Variants in CHODL observed in about 807,000 individuals in gnomAD.
CHODL encodes chondrolectin.
Under a neutral mutation model 34.5 loss-of-function variants are expected in CHODL, and 29 were observed. The observed-to-expected ratio is 0.84, with a 90% CI of 0.63 to 1.15. The LOEUF is 1.15. Ranked by LOEUF, CHODL falls within the 50% of genes most tolerant of loss-of-function variation. The probability of loss-of-function intolerance (pLI) is 0.00; values close to 1 mark genes in which losing one functional copy is unlikely to be tolerated. For synonymous variants in CHODL, 125 were observed against 116.1 expected (o/e 1.08, Z -0.49); for missense variants, 332 against 332.5 (o/e 1.00, Z 0.01).
chr21:18,109,057 A>AC (rs5842676), intron 2 of CHODL, among the ~76,000 whole-genome samples: 120,077 of 151,796 alleles, frequency 0.79, 48,213 homozygotes, highest in Middle Eastern at 0.88. Context: ...GTAAGGAAGG[A>AC]TAAACGTATT....
At chr21:18,176,905 A>G (rs1247657973) in intron 2 of CHODL, among the ~76,000 whole-genome samples, 1 of 152,148 alleles carries the variant, frequency 6.6e-6, no homozygotes, top group African/African-American at 2.4e-5. Context: ...GACAGGCAAC[A>G]TAAGGAAGAC....
At chr21:17,960,457 T>C (rs1238092992) in intron 1 of CHODL, among the ~76,000 whole-genome samples, 1 of 152,186 alleles carries the variant, frequency 6.6e-6, no homozygotes, top group Non-Finnish European at 1.5e-5. Flanking sequence ...CAATAACATG[T>C]CCCTAATTTT....
chr21:18,042,263 G>A (rs547076233), intron 2 of CHODL, among the ~76,000 whole-genome samples: 28 of 152,016 alleles, frequency 1.8e-4, no homozygotes, highest in African/African-American at 6.7e-4. Context: ...GTCAGGTCTT[G>A]GATGAATGGA....
At chr21:17,919,774 AC>A (rs771319892) in intron 1 of CHODL, among the ~76,000 whole-genome samples, 3 of 152,192 alleles carry the variant, frequency 2.0e-5, no homozygotes, top group Non-Finnish European at 4.4e-5. Context: ...AATTTTTCAA[AC>A]TTTTATGCTG....
intron 2 of CHODL, among the ~76,000 whole-genome samples, chr21:18,174,137 A>ATATATATATATCTTGG (rs1555879204): frequency 4.8e-5 from 3 of 62,484 alleles, no homozygotes; most frequent in African/African-American, 5.5e-5. Context: ...ATATATATAT[A>ATATATATATATCTTGG]TATATATATA....
chr21:18,011,014 G>A (rs1176483677), intron 1 of CHODL, among the ~76,000 whole-genome samples: 2 of 152,262 alleles, frequency 1.3e-5, no homozygotes, highest in South Asian at 2.1e-4. Flanking sequence ...CAACAATGGG[G>A]TTTTTTGAAG....
At chr21:18,119,207 G>A (rs774666723) in intron 2 of CHODL, among the ~76,000 whole-genome samples, 7 of 151,588 alleles carry the variant, frequency 4.6e-5, no homozygotes, top group Non-Finnish European at 7.4e-5. Flanking sequence ...TTCTCAAAGT[G>A]TCTTTGTGCC....
In CHODL at chr21:17,927,160, G is replaced by GTATATATGTA. The variant is rs371070747; in HGVS notation, c.-145+9766_-145+9775dup. On this transcript the variant is annotated intron_variant, in intron 1 of 6. Transcript: ENST00000400127. ...TATATATGTATATATGTATATATATGTATATATGTATATATGTATATATAT... is the reference window on the plus strand; with the variant it reads ...TATATATGTATATATGTATATATATGTATATATGTATATATATGTATATATGTATATATAT... Among the ~76,000 whole-genome samples the GTATATATGTA allele has an allele frequency of 3.1e-3, 211 of 67,944 alleles. 5 individuals are homozygous for GTATATATGTA. The Middle Eastern group carries it at 0.054, about 17-fold the overall frequency. The allele number at this position is 67,944 out of a possible 152,430, so 44.6% of individuals were successfully genotyped here. A position where few individuals can be genotyped will look rare whatever the true frequency, so the allele number is the denominator to read the frequency against.
intron 1 of CHODL, among the ~76,000 whole-genome samples, chr21:18,011,812 A>T (rs1456191244): frequency 2.6e-5 from 4 of 152,226 alleles, no homozygotes; most frequent in African/African-American, 9.6e-5. Context: ...TTGGTGAAGC[A>T]GATTTGCCAA....
At chr21:18,192,294 CA>C (rs1044675698) in intron 2 of CHODL, among the ~76,000 whole-genome samples, 3 of 152,116 alleles carry the variant, frequency 2.0e-5, no homozygotes, top group Admixed American at 1.3e-4. Context: ...ATTCACAGGA[CA>C]GTAATGAACT....
rs569369136 is a variant in CHODL at position 17,963,281 on chromosome 21, T to A, written c.-145+45881T>A. Among the ~76,000 whole-genome samples, 3 of 152,246 alleles carry A rather than the reference T, an allele frequency of 2.0e-5. No homozygotes were observed. The East Asian group carries it at 5.8e-4, about 29-fold the overall frequency. On this transcript the variant is annotated intron_variant, in intron 1 of 6. Coordinates refer to the CHODL transcript ENST00000400127. Reference sequence around the variant, plus strand: ...GAAACCCTTCTGTTTTGCCGGTAATTACGTAGAAAAATGTTAGATTGGAAA... The same window carrying A: ...GAAACCCTTCTGTTTTGCCGGTAATAACGTAGAAAAATGTTAGATTGGAAA...
intron 1 of CHODL, among the ~76,000 whole-genome samples, chr21:17,967,459 G>T (rs1387377884): frequency 6.6e-6 from 1 of 152,106 alleles, no homozygotes; most frequent in African/African-American, 2.4e-5. Context: ...GCTTCAGAGT[G>T]TTTTTATTTT....
chr21:18,216,673 A>C (rs1054518781), intron 2 of CHODL, among the ~76,000 whole-genome samples: 1 of 152,156 alleles, frequency 6.6e-6, no homozygotes, highest in South Asian at 2.1e-4. Context: ...TAAAGGAAAG[A>C]GGTTTAATTG....
In CHODL at chr21:18,224,503, T is replaced by C. The variant is rs868212316; in HGVS notation, c.-44-32006T>C. Among the ~76,000 whole-genome samples, 6 of 152,182 alleles carry C rather than the reference T, an allele frequency of 3.9e-5. No individual in the cohort carries two copies. The South Asian group carries it at 1.2e-3, about 32-fold the overall frequency. ...GGTTAAGTTCCCTCATTATTATTGT[T>C]ATTTTTGCACAGGTGTCCAAAAGAT... On this transcript the variant is annotated intron_variant, in intron 2 of 6. Coordinates refer to the CHODL transcript ENST00000400127.
chr21:18,259,627 T>C (rs778331126), intron 3 of CHODL, among the ~76,000 whole-genome samples: 1 of 152,208 alleles, frequency 6.6e-6, no homozygotes, highest in South Asian at 2.1e-4. Context: ...TTATTATTAT[T>C]ATTTTTAAAA....
intron 2 of CHODL, among the ~76,000 whole-genome samples, chr21:18,071,509 T>G (rs533405400): frequency 3.2e-4 from 49 of 152,054 alleles, no homozygotes; most frequent in Admixed American, 9.2e-4. Flanking sequence ...ACCCTCTACA[T>G]GATTCCCTAT....
At chr21:18,177,522 C>T (rs1388806216) in intron 2 of CHODL, among the ~76,000 whole-genome samples, 1 of 152,094 alleles carries the variant, frequency 6.6e-6, no homozygotes, top group Non-Finnish European at 1.5e-5. Context: ...CCATGATGAT[C>T]TGACACATTG....
chr21:18,018,697 G>C (rs2064098757), intron 1 of CHODL, among the ~76,000 whole-genome samples: 2 of 152,182 alleles, frequency 1.3e-5, no homozygotes, highest in Admixed American at 1.3e-4. Flanking sequence ...ATGGTAACAG[G>C]AGAATGGCCT....
intron 2 of CHODL, among the ~76,000 whole-genome samples, chr21:18,129,426 C>T (rs2072624952): frequency 6.6e-6 from 1 of 151,974 alleles, no homozygotes; most frequent in African/African-American, 2.4e-5. Flanking sequence ...ATTGTAGAAG[C>T]AGGTAGAGGG....
Sources: allele counts gnomAD v4.1 joint callset (sites outside exome capture counted in the v4.1 genomes callset), GRCh38; gene constraint gnomAD v4.1.1; transcripts MANE v1.5; gene names NCBI Gene and HGNC (gene_info 2026-07-23, HGNC 2026-07-21).